Variants in AGBL4 observed in about 807,000 individuals in gnomAD.
The protein encoded by AGBL4 is cytosolic carboxypeptidase 6.
A neutral mutation model predicts 66.4 loss-of-function variants in AGBL4; 58 were observed. That is an observed-to-expected ratio of 0.87 (90% CI 0.71 to 1.09). The LOEUF is 1.09. Ranked by LOEUF, AGBL4 falls within the 50% of genes least tolerant of loss-of-function variation. The pLI is 0.00. For synonymous variants in AGBL4, 234 were observed against 222.9 expected, an observed-to-expected ratio of 1.05 and a Z score of -0.44; for missense variants, 579 against 631.0, an observed-to-expected ratio of 0.92 and a Z score of 0.88.
intron 8 of AGBL4, among the ~76,000 whole-genome samples, chr1:48,641,134 TA>T (rs1003319054): frequency 6.6e-6 from 1 of 152,216 alleles, no homozygotes; most frequent in Non-Finnish European, 1.5e-5. Flanking sequence ...TGGATTGGAT[TA>T]AGCATATTTG....
chr1:48,915,754 A>G (rs942863168), intron 5 of AGBL4, among the ~76,000 whole-genome samples: 2 of 152,194 alleles, frequency 1.3e-5, no homozygotes, highest in African/African-American at 4.8e-5. Flanking sequence ...GAACTGCTGT[A>G]CTAAAGGATA....
intron 8 of AGBL4, among the ~76,000 whole-genome samples, chr1:48,638,302 C>T (rs141488805): frequency 2.6e-3 from 390 of 152,336 alleles, no homozygotes; most frequent in Admixed American, 3.5e-3. Context: ...TTGGGACTTA[C>T]AGTTATGTTT....
chr1:49,648,429 A>T (rs1645934938), intron 3 of AGBL4, among the ~76,000 whole-genome samples: 3 of 152,104 alleles, frequency 2.0e-5, no homozygotes, highest in African/African-American at 7.2e-5. Context: ...AAAAGACAGA[A>T]TGGAACAGAA....
chr1:48,616,068 C>A (rs1645313130), intron 9 of AGBL4, among the ~76,000 whole-genome samples: 1 of 152,202 alleles, frequency 6.6e-6, no homozygotes, highest in Non-Finnish European at 1.5e-5. Flanking sequence ...CCTCTCAATA[C>A]AATTGCACTG....
intron 6 of AGBL4, among the ~76,000 whole-genome samples, chr1:48,679,385 G>A (rs538765631): frequency 1.3e-5 from 2 of 152,268 alleles, no homozygotes; most frequent in East Asian, 3.9e-4. Context: ...AGCTGTTACT[G>A]GGGTGTCAGA....
At chr1:49,789,942 T>G (rs1256353475) in intron 2 of AGBL4, among the ~76,000 whole-genome samples, 2 of 152,260 alleles carry the variant, frequency 1.3e-5, no homozygotes. Flanking sequence ...ACTACAAGGC[T>G]ACAGTAACCA....
At chr1:49,926,334 C>G (rs903695920) in intron 1 of AGBL4, among the ~76,000 whole-genome samples, 1 of 152,128 alleles carries the variant, frequency 6.6e-6, no homozygotes, top group African/African-American at 2.4e-5. Context: ...CTTGGGGTAC[C>G]CTTAATGCAG....
intron 3 of AGBL4, 37 bp from the exon 4 acceptor site, chr1:49,245,901 AT>A: frequency 1.4e-6 from 2 of 1,438,072 alleles, no homozygotes; most frequent in Middle Eastern, 1.8e-4. Context: ...TCTTTATGCT[AT>A]GCAAATTGTA....
chr1:49,291,852 G>T (rs1262295616), intron 3 of AGBL4, among the ~76,000 whole-genome samples: 2 of 152,184 alleles, frequency 1.3e-5, no homozygotes, highest in African/African-American at 4.8e-5. Context: ...CTCCTTCTGA[G>T]TTGTTGAAGC....
intron 5 of AGBL4, among the ~76,000 whole-genome samples, chr1:48,992,467 C>T (rs543956554): frequency 1.3e-5 from 2 of 151,854 alleles, no homozygotes; most frequent in South Asian, 2.1e-4. Context: ...CCAAGGTCCA[C>T]TGTAACTCCT....
At chr1:49,823,327 T>C (rs899545248) in intron 2 of AGBL4, among the ~76,000 whole-genome samples, 16 of 152,000 alleles carry the variant, frequency 1.1e-4, no homozygotes, top group Admixed American at 8.5e-4. Context: ...GCTGGAAAAA[T>C]TATTATGTCA....
intron 4 of AGBL4, among the ~76,000 whole-genome samples, chr1:49,203,585 T>C (rs923868508): frequency 6.6e-6 from 1 of 152,142 alleles, no homozygotes; most frequent in Admixed American, 6.5e-5. Flanking sequence ...ATAGATAATA[T>C]AATGATGGTT....
chr1:49,622,628 C>CAAAAAAAAAA, intron 3 of AGBL4, among the ~76,000 whole-genome samples: 1 of 65,482 alleles, frequency 1.5e-5, no homozygotes, highest in Non-Finnish European at 2.6e-5. Context: ...GACTCCGTCT[C>CAAAAAAAAAA]AAAAAAAAAA....
chr1:49,150,348 T>A (rs1646303413), intron 4 of AGBL4, among the ~76,000 whole-genome samples: 1 of 152,202 alleles, frequency 6.6e-6, no homozygotes, highest in Non-Finnish European at 1.5e-5. Flanking sequence ...AGGCAATCTT[T>A]CACAATTTGT....
intron 9 of AGBL4, among the ~76,000 whole-genome samples, chr1:48,629,490 C>T (rs941011134): frequency 7.9e-5 from 12 of 152,148 alleles, no homozygotes; most frequent in Non-Finnish European, 1.8e-4. Context: ...AAACTGATAT[C>T]TTTACCACCA....
intron 3 of AGBL4, among the ~76,000 whole-genome samples, chr1:49,441,671 AC>A: frequency 6.6e-6 from 1 of 152,348 alleles, no homozygotes; most frequent in Non-Finnish European, 1.5e-5. Context: ...GTCAGATCTC[AC>A]AGTGGGAACC....
At chr1:48,586,781 G>T in intron 11 of AGBL4, 1 of 541,598 alleles carries the variant, frequency 1.8e-6, no homozygotes, top group Middle Eastern at 5.1e-4. Context: ...GGTCCGGCTG[G>T]CCTGGGAAAG....
At chr1:48,971,139 T>C (rs1336925191) in intron 5 of AGBL4, among the ~76,000 whole-genome samples, 1 of 152,150 alleles carries the variant, frequency 6.6e-6, no homozygotes, top group Middle Eastern at 3.2e-3. Flanking sequence ...GGTACTGGGC[T>C]GTGGCCTGTA....
chr1:49,917,466 A>G (rs1317665440), intron 1 of AGBL4, among the ~76,000 whole-genome samples: 1 of 152,196 alleles, frequency 6.6e-6, no homozygotes, highest in Non-Finnish European at 1.5e-5. Context: ...TTAAACCAAC[A>G]AAGATCAAAA....
Sources: gnomAD v4.1 joint callset for allele counts (sites outside exome capture counted in the v4.1 genomes callset) on GRCh38, gnomAD v4.1.1 for gene constraint, MANE v1.5 for transcripts, NCBI Gene and HGNC (gene_info 2026-07-23, HGNC 2026-07-21) for gene names.